The following CLIP4 variants were observed in gnomAD, a reference collection of about 807,000 sequenced individuals.
CLIP4 encodes CAP-Gly domain containing linker protein family member 4, also known as CAP-Gly domain-containing linker protein 4.
Under a neutral mutation model 73.1 loss-of-function variants are expected in CLIP4, and 47 were observed. The ratio of observed to expected loss-of-function variants is 0.64; its 90% CI spans 0.51 to 0.82. The LOEUF (loss-of-function observed/expected upper bound fraction) is 0.82, where lower values mean the gene tolerates loss of function less well. Among genes scored for constraint, CLIP4 ranks in the 40% least tolerant of loss-of-function variants. The probability of loss-of-function intolerance (pLI) is 0.00; values close to 1 mark genes in which losing one functional copy is unlikely to be tolerated. For missense variants in CLIP4, 874 were observed against 852.9 expected (o/e 1.02, Z -0.31); for synonymous variants, 306 against 295.4 (o/e 1.04, Z -0.37).
chr2:29,145,434 T>G lies in CLIP4; in HGVS notation c.1021+67T>G, dbSNP rs73920705. The G allele has an allele frequency of 3.3e-3, 4,426 of 1,344,396 alleles. 126 individuals carry two copies. In the African/African-American group the frequency reaches 0.057, roughly 17 times the overall value. 83.3% of individuals were successfully genotyped at this position (1,344,396 alleles called of 1,614,324 possible). A position where few individuals can be genotyped will look rare whatever the true frequency, so the allele number is the denominator to read the frequency against. ...ATAATCAAGTTTTACTCTTTTACAG[T>G]TGTTAAATAAAACTTTTCTCCTGAT... is the stretch of plus-strand genomic sequence containing the variant. On this transcript the variant is annotated intron_variant, in intron 8 of 15. Transcript: ENST00000320081.
At chr2:29,174,297 A>G in intron 14 of CLIP4, 76 bp from the exon 15 acceptor site, 1 of 1,180,490 alleles carries the variant, frequency 8.5e-7, no homozygotes, top group Non-Finnish European at 1.2e-6. Context: ...TCTACAGAAG[A>G]AGTGATAAAA....
At chr2:29,152,545 A>ATT in intron 8 of CLIP4, 140 bp from the exon 9 acceptor site, 1 of 776,404 alleles carries the variant, frequency 1.3e-6, no homozygotes, top group African/African-American at 1.8e-5. Context: ...TGTGTCTTAC[A>ATT]TTTTTTTTCC....
At chr2:29,154,573 G>A (rs189356244) in intron 9 of CLIP4, among the ~76,000 whole-genome samples, 8 of 152,254 alleles carry the variant, frequency 5.3e-5, no homozygotes, top group Admixed American at 2.0e-4. Flanking sequence ...GCAAGGAAAC[G>A]AAAGCTTAGA....
chr2:29,138,389 G>C (rs971135615), intron 6 of CLIP4, among the ~76,000 whole-genome samples: 1 of 151,126 alleles, frequency 6.6e-6, no homozygotes, highest in African/African-American at 2.4e-5. Context: ...ATATCATGCT[G>C]TTTTGATTAC....
rs1668694870 is a variant in CLIP4, at chr2:29,182,556, A to G, written c.*663A>G. ...CCTGGGGTCACTAACTGGTTGGTTA[A>G]CTGAGCTAAGAATAGACTGTGGGTC... On this transcript the variant is annotated 3_prime_UTR_variant, in exon 16 of 16. Transcript: ENST00000320081. 6.6e-6 allele frequency: 1 copy of G among 152,482 alleles called. No individual in the cohort carries two copies. Among genetic ancestry groups the G allele is most frequent in the African/African-American group, 2.4e-5 (1 of 41,444 alleles). 9.4% of individuals were successfully genotyped at this position (152,482 alleles called of 1,614,324 possible). A position where few individuals can be genotyped will look rare whatever the true frequency, so the allele number is the denominator to read the frequency against.
chr2:29,167,429 C>A, intron 13 of CLIP4, 47 bp from the exon 14 acceptor site: 2 of 1,421,976 alleles, frequency 1.4e-6, no homozygotes, highest in Admixed American at 2.0e-5. Context: ...AGTCTTAAAC[C>A]TGAAGACCAG....
At position 29,145,067 on chromosome 2, in the gene CLIP4, A is replaced by G. The variant is rs538892131; in HGVS notation, c.886-165A>G. On this transcript the variant is annotated intron_variant, in intron 7 of 15. Coordinates refer to ENST00000320081, the MANE Select transcript of CLIP4 (RefSeq NM_024692.6). ...TCCTGGCTCTGAAGTGAGAGCAAGG[A>G]ACATTACCAAGCATAAAAAGGTAAT... Among the ~76,000 whole-genome samples, 8 of 151,724 alleles carry G rather than the reference A, an allele frequency of 5.3e-5. No homozygotes were observed. The East Asian group carries it at 1.2e-3, about 22-fold the overall frequency.
intron 14 of CLIP4, chr2:29,167,763 C>A (rs1667722964): frequency 2.6e-6 from 1 of 377,858 alleles, no homozygotes; most frequent in Non-Finnish European, 4.7e-6. Flanking sequence ...CTGCCTTGCT[C>A]TTCATATACC....
chr2:29,107,209 A>G (rs1458890529), intron 1 of CLIP4, among the ~76,000 whole-genome samples: 2 of 152,094 alleles, frequency 1.3e-5, no homozygotes, highest in Non-Finnish European at 1.5e-5. Context: ...GCCAACTGGG[A>G]TGAGAGTGGA....
chr2:29,174,867 T>C (rs1310368756), intron 15 of CLIP4, among the ~76,000 whole-genome samples: 2 of 152,208 alleles, frequency 1.3e-5, no homozygotes, highest in Non-Finnish European at 2.9e-5. Context: ...CTTAAGAGTA[T>C]AATGCTCAAA....
chr2:29,099,409 T>C (rs1381605262), intron 1 of CLIP4, among the ~76,000 whole-genome samples: 1 of 152,236 alleles, frequency 6.6e-6, no homozygotes, highest in Non-Finnish European at 1.5e-5. Context: ...TCTGGATTCA[T>C]TTATTCGTAT....
intron 6 of CLIP4, among the ~76,000 whole-genome samples, chr2:29,143,372 GT>G (rs1363676792): frequency 4.0e-4 from 59 of 148,302 alleles, no homozygotes; most frequent in Non-Finnish European, 6.2e-4. Context: ...AACCATCTCT[GT>G]CTCCACATTT....
rs1426577072 is a variant in CLIP4 at position 29,133,502 on chromosome 2, ATTTTC to A, written c.368-150_368-146del. On this transcript the variant is annotated intron_variant, in intron 4 of 15. Transcript: ENST00000320081. ...TTTATCTGTATCCCTGAGTATGATTATTTTCTTAGGATCAATTCTTGCAAGTGAAA... is the reference window on the plus strand; with the variant it reads ...TTTATCTGTATCCCTGAGTATGATTATTAGGATCAATTCTTGCAAGTGAAA... Among the ~76,000 whole-genome samples, 6 of 152,164 alleles carry A rather than the reference ATTTTC, an allele frequency of 3.9e-5. No homozygotes were observed. In the East Asian group the frequency reaches 1.2e-3, roughly 29 times the overall value.
chr2:29,157,253 A>C lies in CLIP4; in HGVS notation c.1305A>C (p.Glu435Asp). The part of the protein sequence containing the change: ...VSSCSSTSSL[E>D]HRQSYPKKQN... ...GCTGCTCCTCTACATCTTCTTTGGAACACAGACAGAGCTACCCCAAGAAAC... is the reference window on the plus strand; with the variant it reads ...GCTGCTCCTCTACATCTTCTTTGGACCACAGACAGAGCTACCCCAAGAAAC... The change falls in exon 11 of 16, where the codon GAA (glutamate) becomes GAC (aspartate). Residue 435 changes from glutamate (E) to aspartate (D), a missense_variant. Coordinates refer to ENST00000320081, the MANE Select transcript of CLIP4 (RefSeq NM_024692.6). 6.2e-7 allele frequency: 1 copy of C among 1,614,100 alleles called. No homozygotes were observed. The highest frequency in any genetic ancestry group is 8.5e-7 in the Non-Finnish European group (1 of 1,179,992).
chr2:29,153,435 ACTT>A (rs2148029520), intron 9 of CLIP4, among the ~76,000 whole-genome samples: 1 of 151,418 alleles, frequency 6.6e-6, no homozygotes, highest in African/African-American at 2.4e-5. Flanking sequence ...ATTTTTTTCG[ACTT>A]CTTATTCATA....
chr2:29,129,858 C>G (rs779019698), intron 2 of CLIP4, among the ~76,000 whole-genome samples: 10 of 152,080 alleles, frequency 6.6e-5, no homozygotes, highest in Admixed American at 5.2e-4. Flanking sequence ...TAAAGTTCAC[C>G]TATTTTTTCT....
chr2:29,131,170 A>C, intron 2 of CLIP4, 88 bp from the exon 3 acceptor site: 1 of 1,143,108 alleles, frequency 8.7e-7, no homozygotes, highest in Non-Finnish European at 1.2e-6. Flanking sequence ...TATTTGTATC[A>C]TTTGAACCTT....
chr2:29,133,193 G>A (rs1665102065), intron 4 of CLIP4, among the ~76,000 whole-genome samples: 1 of 152,206 alleles, frequency 6.6e-6, no homozygotes, highest in Admixed American at 6.5e-5. Context: ...CTTTAAAAAA[G>A]AGGAAAGAAT....
intron 8 of CLIP4, among the ~76,000 whole-genome samples, chr2:29,146,690 C>T (rs889469678): frequency 5.9e-5 from 9 of 152,086 alleles, no homozygotes; most frequent in Non-Finnish European, 8.8e-5. Flanking sequence ...GATGATGAAG[C>T]GGATGGACTT....
Sources: gnomAD v4.1 joint callset for allele counts (sites outside exome capture counted in the v4.1 genomes callset) on GRCh38, gnomAD v4.1.1 for gene constraint, MANE v1.5 for transcripts, NCBI Gene and HGNC (gene_info 2026-07-23, HGNC 2026-07-21) for gene names.